Variants in HTR2C observed in about 807,000 individuals in gnomAD.
HTR2C encodes 5-hydroxytryptamine receptor 2C, also known as 5-hydroxytryptamine (serotonin) receptor 2C, G protein-coupled.
HTR2C carries 5 observed loss-of-function variants against 21.0 expected under a neutral mutation model. The ratio of observed to expected loss-of-function variants is 0.24; its 90% CI spans 0.12 to 0.50. The LOEUF (loss-of-function observed/expected upper bound fraction) is 0.50. HTR2C is among the 20% of genes least tolerant of loss of function. HTR2C has a pLI of 0.98. For synonymous variants in HTR2C, 150 were observed against 145.3 expected, an observed-to-expected ratio of 1.03 and a Z score of -0.23; for missense variants, 271 against 371.2, an observed-to-expected ratio of 0.73 and a Z score of 2.22.
intron 4 of HTR2C, among the ~76,000 whole-genome samples, chrX:114,749,006 AGATAAAGAACTC>A (rs1556427032): frequency 1.8e-5 from 2 of 111,943 alleles, no homozygotes; most frequent in Non-Finnish European, 3.8e-5. Context: ...TATCCTGAAT[AGATAAAGAACTC>A]TCAAAACTCA....
intron 5 of HTR2C, among the ~76,000 whole-genome samples, chrX:114,902,906 C>T (rs986012789): frequency 8.9e-6 from 1 of 112,047 alleles, no homozygotes; most frequent in African/African-American, 3.2e-5. Flanking sequence ...CCACTGCACC[C>T]GGCCCACAGT....
chrX:114,907,344 A>T lies in HTR2C; in HGVS notation c.1306A>T (p.Met436Leu). The T allele has an allele frequency of 8.3e-7, 1 of 1,211,318 alleles. No homozygotes were observed. Among genetic ancestry groups the T allele is most frequent in the Non-Finnish European group, 1.1e-6 (1 of 895,196 alleles). ...CAGTGACAATGAGCCCGGTATAGAG[A>T]TGCAAGTTGAGAATTTAGAGTTACC... is the stretch of plus-strand genomic sequence containing the variant. Reference protein sequence around the residue: ...KASDNEPGIEMQVENLELPVN... With the variant: ...KASDNEPGIELQVENLELPVN... Residue 436 changes from methionine to leucine, a missense_variant, in exon 6 of 6, where the codon ATG (methionine) becomes TTG (leucine). This residue lies in a region of HTR2C where 192 missense variants were observed against 247.2 expected (regional missense o/e 0.78). Coordinates refer to ENST00000276198, the MANE Select transcript of HTR2C (RefSeq NM_000868.4).
chrX:114,877,844 A>C (rs1556478701), intron 5 of HTR2C, among the ~76,000 whole-genome samples: 1 of 110,682 alleles, frequency 9.0e-6, no homozygotes. Flanking sequence ...CAATCTTCTT[A>C]AATTCATTAA....
intron 4 of HTR2C, among the ~76,000 whole-genome samples, chrX:114,749,453 C>CAAAAAAAAAAAAAAAAAA (rs782652879): frequency 2.4e-5 from 1 of 41,906 alleles, no homozygotes; most frequent in Non-Finnish European, 3.7e-5. Context: ...GTCCATGTCT[C>CAAAAAAAAAAAAAAAAAA]AAAAAAAAAA....
intron 2 of HTR2C, among the ~76,000 whole-genome samples, chrX:114,689,462 A>G (rs1026836659): frequency 2.7e-5 from 3 of 109,900 alleles, no homozygotes; most frequent in African/African-American, 9.9e-5. Context: ...GTACTAGTTT[A>G]CACTTCCACT....
At chrX:114,827,986 T>G (rs1435491155) in intron 4 of HTR2C, among the ~76,000 whole-genome samples, 1 of 110,789 alleles carries the variant, frequency 9.0e-6, no homozygotes, top group East Asian at 2.8e-4. Context: ...GTAAATTTTT[T>G]CCCCCCAAAT....
intron 2 of HTR2C, among the ~76,000 whole-genome samples, chrX:114,655,758 G>A (rs969807611): frequency 1.8e-5 from 2 of 110,311 alleles, no homozygotes; most frequent in South Asian, 3.8e-4. Flanking sequence ...GGATTCCTTC[G>A]GAACATATTA....
At chrX:114,654,743 T>G (rs1436924162) in intron 2 of HTR2C, among the ~76,000 whole-genome samples, 2 of 110,077 alleles carry the variant, frequency 1.8e-5, no homozygotes, top group Non-Finnish European at 3.8e-5. Flanking sequence ...TGTGTTGAAG[T>G]GCTATAGCAA....
intron 1 of HTR2C, among the ~76,000 whole-genome samples, chrX:114,612,126 T>C (rs1444614583): frequency 8.9e-6 from 1 of 112,024 alleles, no homozygotes; most frequent in East Asian, 2.8e-4. Context: ...GTAGTCACAT[T>C]AAATTATTTA....
At chrX:114,825,227 A>T (rs1190698950) in intron 4 of HTR2C, among the ~76,000 whole-genome samples, 3 of 111,048 alleles carry the variant, frequency 2.7e-5, no homozygotes, top group African/African-American at 9.8e-5. Flanking sequence ...CATGGATTTG[A>T]GTTTTCTTTT....
At chrX:114,867,206 G>A (rs887658287) in intron 5 of HTR2C, among the ~76,000 whole-genome samples, 1 of 111,733 alleles carries the variant, frequency 8.9e-6, no homozygotes, top group Non-Finnish European at 1.9e-5. Flanking sequence ...TTTAACTGGA[G>A]AGAAATGACA....
At chrX:114,824,698 C>T (rs1213582317) in intron 4 of HTR2C, among the ~76,000 whole-genome samples, 1 of 112,169 alleles carries the variant, frequency 8.9e-6, no homozygotes, top group African/African-American at 3.2e-5. Flanking sequence ...AGTTTCTAGT[C>T]AACCATCCTG....
At chrX:114,655,562 T>G (rs1452285827) in intron 2 of HTR2C, among the ~76,000 whole-genome samples, 2 of 111,994 alleles carry the variant, frequency 1.8e-5, no homozygotes, top group African/African-American at 6.5e-5. Flanking sequence ...GCCATTTAAG[T>G]GTATTTTTTT....
At chrX:114,741,428 A>T (rs2147356003) in intron 4 of HTR2C, among the ~76,000 whole-genome samples, 1 of 101,254 alleles carries the variant, frequency 9.9e-6, no homozygotes, top group South Asian at 5.1e-4. Flanking sequence ...CTGAGGCAGA[A>T]TTGCTTGAAC....
At chrX:114,678,994 T>A (rs1237314443) in intron 2 of HTR2C, among the ~76,000 whole-genome samples, 3 of 111,203 alleles carry the variant, frequency 2.7e-5, no homozygotes, top group Admixed American at 1.9e-4. Flanking sequence ...AAAGTAAAAA[T>A]ACAAAGCAGA....
intron 4 of HTR2C, among the ~76,000 whole-genome samples, chrX:114,810,992 A>C (rs782537943): frequency 2.7e-5 from 3 of 111,769 alleles, no homozygotes; most frequent in African/African-American, 9.7e-5. Context: ...CATTACATAA[A>C]TGTACACCAA....
intron 1 of HTR2C, among the ~76,000 whole-genome samples, chrX:114,605,923 G>T (rs143551833): frequency 9.4e-6 from 1 of 106,419 alleles, no homozygotes; most frequent in Non-Finnish European, 1.9e-5. Flanking sequence ...GGATTGGGGC[G>T]CAGAGAAATA....
At position 114,848,223 on chromosome X, in the gene HTR2C, C is replaced by T. The variant is rs2070889463; in HGVS notation, c.550+20C>T. The T allele has an allele frequency of 2.6e-6, 3 of 1,132,432 alleles. No homozygotes were observed. Among genetic ancestry groups the T allele is most frequent in the Non-Finnish European group, 3.6e-6 (3 of 825,468 alleles). 93.3% of individuals were successfully genotyped at this position (1,132,432 alleles called of 1,213,427 possible). A position where few individuals can be genotyped will look rare whatever the true frequency, so the allele number is the denominator to read the frequency against. On this transcript the variant is annotated intron_variant, in intron 5 of 5. Coordinates refer to ENST00000276198, the MANE Select transcript of HTR2C (RefSeq NM_000868.4). ...CTATAGGTAAATAAAACTTTTTGGC[C>T]ATAAGAATTGCAGCGGCTATGCTCA...
At chrX:114,602,696 G>A (rs1556395111) in intron 1 of HTR2C, among the ~76,000 whole-genome samples, 1 of 39,603 alleles carries the variant, frequency 2.5e-5, no homozygotes, top group African/African-American at 1.0e-4. Context: ...AAATGACTGT[G>A]GTGGCCTTCC....
Sources: allele counts gnomAD v4.1 joint callset (sites outside exome capture counted in the v4.1 genomes callset), GRCh38; gene constraint gnomAD v4.1.1; regional missense constraint gnomAD v4.1.1; transcripts MANE v1.5; gene names NCBI Gene and HGNC (gene_info 2026-07-23, HGNC 2026-07-21).